The following PSPH variants were observed in gnomAD, a reference collection of about 807,000 sequenced individuals.
PSPH encodes the protein phosphoserine phosphatase.
PSPH carries 16 observed loss-of-function variants against 23.4 expected under a neutral mutation model. The ratio of observed to expected loss-of-function variants is 0.68; its 90% CI spans 0.46 to 1.04. PSPH has a LOEUF of 1.04. Among genes scored for constraint, PSPH ranks in the 50% least tolerant of loss-of-function variants. PSPH has a pLI of 0.00. For missense variants in PSPH, 223 were observed against 273.7 expected (o/e 0.81, Z 1.31); for synonymous variants, 68 against 99.7 (o/e 0.68, Z 1.89).
intron 3 of PSPH, among the ~76,000 whole-genome samples, chr7:56,030,520 C>T (rs540587428): frequency 3.9e-5 from 6 of 152,166 alleles, no homozygotes; most frequent in East Asian, 3.9e-4. Context: ...AGTGAATTAG[C>T]GCAGGAACAG....
At chr7:56,041,316 G>A (rs1192379346) in intron 1 of PSPH, among the ~76,000 whole-genome samples, 1 of 150,328 alleles carries the variant, frequency 6.7e-6, no homozygotes, top group Non-Finnish European at 1.5e-5. Context: ...AGGTTCAAGC[G>A]ATTCTTCTGC....
intron 3 of PSPH, among the ~76,000 whole-genome samples, chr7:56,027,478 C>G (rs1790366731): frequency 6.6e-6 from 1 of 152,106 alleles, no homozygotes; most frequent in Non-Finnish European, 1.5e-5. Flanking sequence ...GTAATCCCAG[C>G]ACTTTGGGAG....
At chr7:56,023,059 G>C (rs13240915) in intron 3 of PSPH, among the ~76,000 whole-genome samples, 101,169 of 151,730 alleles carry the variant, frequency 0.67, 34,962 homozygotes, top group Non-Finnish European at 0.76. Context: ...GACCCTGTCT[G>C]AAGAAAAGAA....
chr7:56,035,884 TGCTGGGATTACA>T (rs1388527446), intron 1 of PSPH, among the ~76,000 whole-genome samples: 5 of 150,652 alleles, frequency 3.3e-5, no homozygotes, highest in African/African-American at 1.2e-4. Context: ...CCTCCCAAAG[TGCTGGGATTACA>T]GGCATGAGCC....
At chr7:56,030,378 G>A (rs1291013380) in intron 3 of PSPH, among the ~76,000 whole-genome samples, 3 of 151,702 alleles carry the variant, frequency 2.0e-5, no homozygotes, top group African/African-American at 7.3e-5. Flanking sequence ...CCAAAGTGCT[G>A]GGAGCTCACC....
chr7:56,049,330 C>T (rs965658193), intron 1 of PSPH, among the ~76,000 whole-genome samples: 3 of 152,130 alleles, frequency 2.0e-5, no homozygotes, highest in African/African-American at 7.2e-5. Flanking sequence ...TGTTCCCCTC[C>T]CTGTACAGAC....
intron 5 of PSPH, among the ~76,000 whole-genome samples, chr7:56,017,716 CT>C (rs35860273): frequency 2.2e-3 from 183 of 82,392 alleles, no homozygotes; most frequent in East Asian, 3.9e-3. Flanking sequence ...CACCCAGTTA[CT>C]TTTTTTTTTT....
chr7:56,027,146 G>A lies in PSPH; in HGVS notation c.-20+4783C>T, dbSNP rs568985206. Among the ~76,000 whole-genome samples, 30 of 150,812 alleles carry A rather than the reference G, an allele frequency of 2.0e-4. 1 individual carries two copies. The South Asian group carries it at 2.5e-3, about 13-fold the overall frequency. ...CTTGAACCCGGGAGGCAGAAGTTGC[G>A]GCGAGCCGAGATTGCGCTATTGCAC... is the stretch of plus-strand genomic sequence containing the variant. On this transcript the variant is annotated intron_variant, in intron 3 of 7. Transcript: ENST00000275605.
At chr7:56,039,604 C>T (rs772868734) in intron 1 of PSPH, among the ~76,000 whole-genome samples, 2 of 150,578 alleles carry the variant, frequency 1.3e-5, no homozygotes, top group East Asian at 3.9e-4. Flanking sequence ...GGTGAAAGCC[C>T]ATCTCTACTA....
At chr7:56,049,810 G>A (rs1793756196) in intron 1 of PSPH, among the ~76,000 whole-genome samples, 1 of 151,246 alleles carries the variant, frequency 6.6e-6, no homozygotes. Context: ...ACATGATCTC[G>A]GCTCACTGCA....
intron 3 of PSPH, among the ~76,000 whole-genome samples, chr7:56,030,623 G>C (rs2116892258): frequency 6.6e-6 from 1 of 152,296 alleles, no homozygotes; most frequent in East Asian, 1.9e-4. Context: ...TGATGGCCAG[G>C]TGCGGTGGCT....
intron 1 of PSPH, among the ~76,000 whole-genome samples, chr7:56,050,759 T>C (rs1793928880): frequency 6.6e-6 from 1 of 152,204 alleles, no homozygotes. Flanking sequence ...ATTCCGAAAA[T>C]TCATAGAGTA....
chr7:56,019,890 C>T, intron 4 of PSPH, 156 bp from the exon 5 acceptor site: 1 of 927,118 alleles, frequency 1.1e-6, no homozygotes, highest in South Asian at 1.4e-5. Flanking sequence ...AGAGCAAGGC[C>T]TTGGAATAAA....
chr7:56,041,796 T>A (rs919861133), intron 1 of PSPH, among the ~76,000 whole-genome samples: 1 of 151,920 alleles, frequency 6.6e-6, no homozygotes, highest in Non-Finnish European at 1.5e-5. Context: ...TGGTAGTGCA[T>A]GCCTGCAATC....
intron 6 of PSPH, among the ~76,000 whole-genome samples, chr7:56,015,879 A>G (rs1480761775): frequency 1.3e-5 from 2 of 151,482 alleles, no homozygotes; most frequent in African/African-American, 4.8e-5. Context: ...GCTGGTCTCA[A>G]ACTCCTGACC....
chr7:56,014,883 C>T, intron 7 of PSPH, 140 bp downstream of exon 7: 2 of 837,922 alleles, frequency 2.4e-6, no homozygotes, highest in Non-Finnish European at 3.5e-6. Context: ...GCGGATATTG[C>T]AGTAAGCTGA....
At chr7:56,017,977 C>A (rs1788807060) in intron 5 of PSPH, among the ~76,000 whole-genome samples, 1 of 148,504 alleles carries the variant, frequency 6.7e-6, no homozygotes, top group Non-Finnish European at 1.5e-5. Flanking sequence ...CCTGTCTTGG[C>A]CTCCCAAAGT....
intron 3 of PSPH, among the ~76,000 whole-genome samples, chr7:56,031,212 C>T (rs1379934637): frequency 1.4e-5 from 2 of 138,928 alleles, no homozygotes; most frequent in South Asian, 2.2e-4. Flanking sequence ...AGCGAGACTC[C>T]GTCTCAAAAA....
chr7:56,046,492 A>C (rs1240964835), intron 1 of PSPH, among the ~76,000 whole-genome samples: 2 of 152,012 alleles, frequency 1.3e-5, no homozygotes, highest in African/African-American at 4.8e-5. Flanking sequence ...TGGCCTTCCA[A>C]AGTGCTGGGA....
Sources: gnomAD v4.1 joint callset for allele counts (sites outside exome capture counted in the v4.1 genomes callset) on GRCh38, gnomAD v4.1.1 for gene constraint, MANE v1.5 for transcripts, NCBI Gene and HGNC (gene_info 2026-07-23, HGNC 2026-07-21) for gene names.